The following SANBR variants were observed in gnomAD, a reference collection of about 807,000 sequenced individuals.
SANBR encodes SANT and BTB domain regulator of CSR.
Under a neutral mutation model 101.8 loss-of-function variants are expected in SANBR, and 77 were observed. The observed-to-expected ratio is 0.76, with a 90% CI of 0.63 to 0.91. The LOEUF is 0.91. SANBR is among the 40% of genes least tolerant of loss of function. SANBR has a pLI of 0.00. For missense variants in SANBR, 875 were observed against 853.0 expected, an observed-to-expected ratio of 1.03 and a Z score of -0.32; for synonymous variants, 279 against 274.7, an observed-to-expected ratio of 1.02 and a Z score of -0.15.
intron 11 of SANBR, among the ~76,000 whole-genome samples, chr2:61,096,187 C>A (rs1204516247): frequency 6.6e-6 from 1 of 152,154 alleles, no homozygotes. Context: ...GTTTTACCTT[C>A]TCAAGATCTC....
rs867690327 is a variant in SANBR, at chr2:61,124,012, T to G, written c.*1850T>G. The G allele has an allele frequency of 2.4e-6, 1 of 410,990 alleles. No individual in the cohort carries two copies. Among genetic ancestry groups the G allele is most frequent in the South Asian group, 1.0e-4 (1 of 9,698 alleles). 25.5% of individuals were successfully genotyped at this position (410,990 alleles called of 1,614,324 possible). A position where few individuals can be genotyped will look rare whatever the true frequency, so the allele number is the denominator to read the frequency against. ...GGGAGGCTGAGGCACAAGAATTGTT[T>G]GAACCCGGGTGGCAGAGGTTGCAGT... is the stretch of plus-strand genomic sequence containing the variant. On this transcript the variant is annotated 3_prime_UTR_variant, in exon 22 of 22. Coordinates refer to ENST00000402291, the MANE Select transcript of SANBR (RefSeq NM_001129993.3).
At position 61,124,151 on chromosome 2, in the gene SANBR, A is replaced by G. The variant is rs1684443959; in HGVS notation, c.*1989A>G. On this transcript the variant is annotated 3_prime_UTR_variant, in exon 22 of 22. Transcript: ENST00000402291. ...TTTTGTTAATGTTTGTCTGTTATAC[A>G]TAGCACTGGTACCGCAAACATTTTA... 2.0e-6 allele frequency: 2 copies of G among 982,192 alleles called. No individual in the cohort carries two copies. Among genetic ancestry groups the G allele is most frequent in the Admixed American group, 6.2e-5 (1 of 16,258 alleles). The allele number at this position is 982,192 out of a possible 1,614,324, so 60.8% of individuals were successfully genotyped here. A position where few individuals can be genotyped will look rare whatever the true frequency, so the allele number is the denominator to read the frequency against.
chr2:61,112,660 C>T (rs1573655619), intron 16 of SANBR, among the ~76,000 whole-genome samples: 1 of 151,852 alleles, frequency 6.6e-6, no homozygotes, highest in African/African-American at 2.4e-5. Context: ...CACTGGGCTA[C>T]TTTTTGTATT....
rs1307429221 is a variant in SANBR, at chr2:61,088,222, G to A, written c.954G>A (p.Arg318=). The change falls in exon 9 of 22, where the codon CGG becomes CGA. Residue 318 remains arginine (R), a synonymous_variant. Coordinates refer to ENST00000402291, the MANE Select transcript of SANBR (RefSeq NM_001129993.3). ...CTGAGTACTTGAATCCAGATTCTCGGAGTAATGCAGCAACATTGTATAGGT... is the reference window on the plus strand; with the variant it reads ...CTGAGTACTTGAATCCAGATTCTCGAAGTAATGCAGCAACATTGTATAGGT... ...FDPEYLNPDS[R]SNAATLYRCC... is the part of the protein sequence containing the mutation. 5 of 1,609,666 alleles carry A rather than the reference G, an allele frequency of 3.1e-6. No homozygotes were observed. In the African/African-American group the frequency reaches 6.7e-5, roughly 22 times the overall value.
At chr2:61,113,485 G>A (rs1291808554) in intron 16 of SANBR, among the ~76,000 whole-genome samples, 1 of 152,028 alleles carries the variant, frequency 6.6e-6, no homozygotes, top group East Asian at 1.9e-4. Flanking sequence ...ATTTATATAG[G>A]ACTTCTTTAA....
chr2:61,104,132 T>C lies in SANBR; in HGVS notation c.1511+134T>C, dbSNP rs1683423976. 1.6e-5 allele frequency: 12 copies of C among 728,560 alleles called. No individual in the cohort carries two copies. In the South Asian group the frequency reaches 2.1e-4, roughly 13 times the overall value. The allele number at this position is 728,560 out of a possible 1,614,324, so 45.1% of individuals were successfully genotyped here. ...ATTTCAGAAAACTTAACTGAAATTA[T>C]ATGTTAGCTTACAGTAAGAGCAGAC... On this transcript the variant is annotated intron_variant, in intron 13 of 21. Transcript: ENST00000402291.
rs538678690 is a variant in SANBR at position 61,104,374 on chromosome 2, T to C, written c.1511+376T>C. Reference sequence around the variant, plus strand: ...GTGGGCACCTGTAGTCCCAGCTACTTGGGAGGCTGAGGCAGGAGAATGGCG... The same window carrying C: ...GTGGGCACCTGTAGTCCCAGCTACTCGGGAGGCTGAGGCAGGAGAATGGCG... On this transcript the variant is annotated intron_variant, in intron 13 of 21. Coordinates refer to ENST00000402291, the MANE Select transcript of SANBR (RefSeq NM_001129993.3). Among the ~76,000 whole-genome samples the C allele has an allele frequency of 4.0e-5, 6 of 150,960 alleles. No individual in the cohort carries two copies. The East Asian group carries it at 7.8e-4, about 20-fold the overall frequency.
At chr2:61,115,941 TG>T in intron 16 of SANBR, 37 bp from the exon 17 acceptor site, 1 of 1,306,674 alleles carries the variant, frequency 7.7e-7, no homozygotes, top group Non-Finnish European at 1.1e-6. Flanking sequence ...GAAAAGTATA[TG>T]GGGCCTAAGT....
chr2:61,081,253 A>G (rs1297223984), intron 6 of SANBR, among the ~76,000 whole-genome samples, 199 bp from the exon 7 acceptor site: 1 of 152,028 alleles, frequency 6.6e-6, no homozygotes, highest in East Asian at 1.9e-4. Context: ...GCCAGGGTAA[A>G]TTTATTGTAC....
At chr2:61,103,328 A>G (rs1218251417) in intron 12 of SANBR, among the ~76,000 whole-genome samples, 1 of 151,976 alleles carries the variant, frequency 6.6e-6, no homozygotes, top group South Asian at 2.1e-4. Context: ...TTTTAGAGAC[A>G]GGGTTTTGCC....
intron 16 of SANBR, among the ~76,000 whole-genome samples, chr2:61,113,157 A>G (rs1683914388): frequency 6.6e-6 from 1 of 152,146 alleles, no homozygotes; most frequent in Admixed American, 6.5e-5. Context: ...CCATTTCCAA[A>G]CTGTGTTTTC....
Position 61,121,216 on chromosome 2 carries a change from C to T in SANBR, c.2060C>T (p.Ala687Val), listed in dbSNP as rs1274989269. Reference sequence around the variant, plus strand: ...GGAGGTATTTATTCCAGGCTGGAAGCACAAATCAAGGCCTCAGTGCCAGTT... The same window carrying T: ...GGAGGTATTTATTCCAGGCTGGAAGTACAAATCAAGGCCTCAGTGCCAGTT... ...FAGGIYSRLEAQIKASVPVSA... is the reference protein window; with the variant it reads ...FAGGIYSRLEVQIKASVPVSA... The change falls in exon 21 of 22, where the codon GCA becomes GTA. Residue 687 changes from alanine (A) to valine (V), a missense_variant. Ala to Val is a moderately conservative substitution (Grantham distance 64). Coordinates refer to ENST00000402291, the MANE Select transcript of SANBR (RefSeq NM_001129993.3). 57 of 1,551,034 alleles carry T rather than the reference C, an allele frequency of 3.7e-5. No homozygotes were observed. Among genetic ancestry groups the T allele is most frequent in the Non-Finnish European group, 4.8e-5 (55 of 1,146,570 alleles).
At chr2:61,068,242 A>G (rs777863625) in intron 1 of SANBR, among the ~76,000 whole-genome samples, 2 of 152,208 alleles carry the variant, frequency 1.3e-5, no homozygotes, top group Admixed American at 6.5e-5. Context: ...AGCCTGGGAC[A>G]TGCAAAAGGG....
intron 12 of SANBR, among the ~76,000 whole-genome samples, chr2:61,100,566 T>C (rs1035670999): frequency 1.3e-5 from 2 of 152,216 alleles, no homozygotes; most frequent in Non-Finnish European, 2.9e-5. Context: ...TCCTCTATTA[T>C]AACAGGAGAG....
intron 20 of SANBR, among the ~76,000 whole-genome samples, chr2:61,120,780 T>A (rs191438032): frequency 3.3e-5 from 5 of 152,330 alleles, no homozygotes; most frequent in Admixed American, 3.3e-4. Flanking sequence ...ATCTCCTATA[T>A]GTGAAAGAAG....
intron 6 of SANBR, among the ~76,000 whole-genome samples, chr2:61,079,154 A>G (rs1681951779): frequency 6.6e-6 from 1 of 152,144 alleles, no homozygotes; most frequent in African/African-American, 2.4e-5. Context: ...TTTAATTTCT[A>G]ATGTGATAAA....
At chr2:61,137,367 T>G (rs1573692718) in intron 21 of SANBR, 1 of 152,262 alleles carries the variant, frequency 6.6e-6, no homozygotes. Flanking sequence ...CTCCTAAATA[T>G]GTAAATTAAG....
intron 16 of SANBR, among the ~76,000 whole-genome samples, chr2:61,112,494 C>CT (rs953861752): frequency 2.9e-4 from 43 of 147,564 alleles, no homozygotes; most frequent in South Asian, 1.1e-3. Context: ...TTTTAATTTT[C>CT]TTTTTTTTTT....
rs1681597085 is a variant in SANBR, at chr2:61,073,569, T to C, written c.431+18T>C. 1 of 1,405,000 alleles carries C rather than the reference T, an allele frequency of 7.1e-7. No homozygotes were observed. The allele number at this position is 1,405,000 out of a possible 1,614,324, so 87.0% of individuals were successfully genotyped here. A position where few individuals can be genotyped will look rare whatever the true frequency, so the allele number is the denominator to read the frequency against. ...TCTGAAGGGTAGGCGGCTGGTTGTT[T>C]GCTAGATAAGATTAAATATTAATAT... On this transcript the variant is annotated intron_variant, in intron 5 of 21. Coordinates refer to ENST00000402291, the MANE Select transcript of SANBR (RefSeq NM_001129993.3).
Sources: gnomAD v4.1 joint callset for allele counts (sites outside exome capture counted in the v4.1 genomes callset) on GRCh38, gnomAD v4.1.1 for gene constraint, MANE v1.5 for transcripts, NCBI Gene and HGNC (gene_info 2026-07-23, HGNC 2026-07-21) for gene names.